Variants in METTL15 observed in about 807,000 individuals in gnomAD.
METTL15 encodes methyltransferase 15, mitochondrial 12S rRNA N4-cytidine.
Under a neutral mutation model 38.3 loss-of-function variants are expected in METTL15, and 34 were observed. The observed-to-expected ratio is 0.89, with a 90% confidence interval of 0.68 to 1.18. METTL15 has a LOEUF of 1.18. METTL15 is among the 50% of genes most tolerant of loss of function. The pLI is 0.00. For missense variants in METTL15, 438 were observed against 498.4 expected (o/e 0.88, Z 1.15); for synonymous variants, 162 against 170.9 (o/e 0.95, Z 0.41).
chr11:28,144,399 G>A (rs768393549), intron 3 of METTL15, among the ~76,000 whole-genome samples: 55 of 152,022 alleles, frequency 3.6e-4, no homozygotes, highest in Non-Finnish European at 7.4e-4. Context: ...TATAATATTC[G>A]CAGTCTTAGA....
intron 3 of METTL15, among the ~76,000 whole-genome samples, chr11:28,187,434 A>C (rs1453208304): frequency 1.3e-5 from 2 of 150,898 alleles, no homozygotes; most frequent in African/African-American, 4.8e-5. Context: ...TGATATTAAT[A>C]ATGTATAACT....
intron 4 of METTL15, among the ~76,000 whole-genome samples, chr11:28,226,848 T>G (rs765779014): frequency 6.6e-6 from 1 of 151,914 alleles, no homozygotes; most frequent in Non-Finnish European, 1.5e-5. Flanking sequence ...TTACTAATCT[T>G]ACTAACCATG....
chr11:28,282,496 CTT>C (rs1329739209), intron 4 of METTL15, among the ~76,000 whole-genome samples: 2 of 152,166 alleles, frequency 1.3e-5, no homozygotes, highest in South Asian at 2.1e-4. Context: ...CAATTTTTCT[CTT>C]TTCTGTATGC....
At chr11:28,456,501 G>C (rs1851170508) in intron 6 of METTL15, among the ~76,000 whole-genome samples, 1 of 151,576 alleles carries the variant, frequency 6.6e-6, no homozygotes, top group Non-Finnish European at 1.5e-5. Flanking sequence ...GAGTGCAGTG[G>C]CGCGATCTCA....
intron 3 of METTL15, among the ~76,000 whole-genome samples, chr11:28,203,849 G>A (rs1852207732): frequency 1.3e-5 from 2 of 152,010 alleles, no homozygotes; most frequent in Admixed American, 1.3e-4. Flanking sequence ...AAAACATGGT[G>A]CAAAAGAGTT....
At chr11:28,420,307 G>T (rs1850808591) in intron 5 of METTL15, among the ~76,000 whole-genome samples, 1 of 152,138 alleles carries the variant, frequency 6.6e-6, no homozygotes, top group African/African-American at 2.4e-5. Context: ...GCACTGGACA[G>T]ATCTTCCAGA....
intron 4 of METTL15, among the ~76,000 whole-genome samples, chr11:28,231,989 T>C (rs1195296974): frequency 1.3e-5 from 2 of 151,936 alleles, no homozygotes; most frequent in East Asian, 3.9e-4. Context: ...GAATGGATGA[T>C]GATTTTTTCA....
chr11:28,479,589 C>T (rs994235108), intron 6 of METTL15, among the ~76,000 whole-genome samples: 4 of 152,114 alleles, frequency 2.6e-5, no homozygotes, highest in African/African-American at 7.2e-5. Context: ...ATCCAGCTTG[C>T]CTGTAGTCTC....
intron 4 of METTL15, among the ~76,000 whole-genome samples, chr11:28,355,120 G>C (rs1850078329): frequency 1.3e-5 from 2 of 152,196 alleles, no homozygotes; most frequent in African/African-American, 4.8e-5. Context: ...CAAAGTACTT[G>C]CCTGCTACTA....
chr11:28,472,582 T>C (rs1032882100), intron 6 of METTL15, among the ~76,000 whole-genome samples: 1 of 152,146 alleles, frequency 6.6e-6, no homozygotes, highest in Admixed American at 6.6e-5. Context: ...AAAGAATATG[T>C]GGATTGGACT....
intron 6 of METTL15, among the ~76,000 whole-genome samples, chr11:28,321,864 A>AT (rs796130782): frequency 0.087 from 13,280 of 152,076 alleles, 1,030 homozygotes; most frequent in East Asian, 0.36. Flanking sequence ...GGAGAAACGC[A>AT]TCAATGGAAC....
intron 6 of METTL15, among the ~76,000 whole-genome samples, chr11:28,304,872 T>A (rs1027377567): frequency 3.3e-5 from 5 of 152,194 alleles, no homozygotes; most frequent in African/African-American, 1.2e-4. Flanking sequence ...ATACTCTTTA[T>A]ACTAACATTG....
At chr11:28,204,549 T>G (rs1312662220) in intron 3 of METTL15, among the ~76,000 whole-genome samples, 1 of 140,892 alleles carries the variant, frequency 7.1e-6, no homozygotes, top group Non-Finnish European at 1.5e-5. Flanking sequence ...TGGTAAACCA[T>G]AAAGCAATAA....
chr11:28,272,614 T>A (rs1855689928), intron 4 of METTL15, among the ~76,000 whole-genome samples: 1 of 152,150 alleles, frequency 6.6e-6, no homozygotes, highest in African/African-American at 2.4e-5. Flanking sequence ...AAATGCCTAA[T>A]GTAGATGACT....
At chr11:28,168,661 G>A (rs1850744616) in intron 3 of METTL15, among the ~76,000 whole-genome samples, 1 of 143,022 alleles carries the variant, frequency 7.0e-6, no homozygotes, top group Non-Finnish European at 1.5e-5. Context: ...TTGTTAAGGA[G>A]AAATTTTAAA....
chr11:28,122,235 A>G, intron 3 of METTL15: 6 of 1,169,482 alleles, frequency 5.1e-6, no homozygotes, highest in Non-Finnish European at 6.7e-6. Flanking sequence ...TTTTTTATAA[A>G]ATGCTTTGTT....
intron 3 of METTL15, among the ~76,000 whole-genome samples, chr11:28,166,418 A>G (rs1226309379): frequency 6.6e-6 from 1 of 152,224 alleles, no homozygotes; most frequent in African/African-American, 2.4e-5. Context: ...GTAGGTACAC[A>G]AGAAATGTCA....
chr11:28,286,292 T>C (rs1375664603), intron 4 of METTL15, among the ~76,000 whole-genome samples: 3 of 152,138 alleles, frequency 2.0e-5, no homozygotes, highest in East Asian at 1.9e-4. Flanking sequence ...AGTCAGTTGA[T>C]TGTAGATATT....
chr11:28,336,982 C>A (rs1466211247), downstream of METTL15, among the ~76,000 whole-genome samples: 1 of 152,022 alleles, frequency 6.6e-6, no homozygotes, highest in Non-Finnish European at 1.5e-5. Flanking sequence ...GGACAAGATG[C>A]AGAGGTAGAA....
Sources: allele counts gnomAD v4.1 joint callset (sites outside exome capture counted in the v4.1 genomes callset), GRCh38; gene constraint gnomAD v4.1.1; transcripts MANE v1.5; gene names NCBI Gene and HGNC (gene_info 2026-07-23, HGNC 2026-07-21).